Variants in ADAM12 observed in about 807,000 individuals in gnomAD.
ADAM12 encodes the protein disintegrin and metalloproteinase domain-containing protein 12.
A neutral mutation model predicts 106.4 loss-of-function variants in ADAM12; 70 were observed. The ratio of observed to expected loss-of-function variants is 0.66; its 90% CI spans 0.54 to 0.80. ADAM12 has a LOEUF of 0.80. Ranked by LOEUF, ADAM12 falls within the 30% of genes least tolerant of loss-of-function variation. The pLI is 0.00. For synonymous variants in ADAM12, 420 were observed against 433.5 expected, an observed-to-expected ratio of 0.97 and a Z score of 0.39; for missense variants, 1,010 against 1,171.9, an observed-to-expected ratio of 0.86 and a Z score of 2.02.
rs978009181 is a variant in ADAM12 at position 126,013,831 on chromosome 10, G to A, written c.*3448C>T. 6.6e-6 allele frequency: 1 copy of A among 152,466 alleles called. No homozygotes were observed. The highest frequency in any genetic ancestry group is 2.4e-5 in the African/African-American group (1 of 41,438). 9.4% of individuals were successfully genotyped at this position (152,466 alleles called of 1,614,324 possible). A position where few individuals can be genotyped will look rare whatever the true frequency, so the allele number is the denominator to read the frequency against. On this transcript the variant is annotated 3_prime_UTR_variant, in exon 23 of 23. Coordinates refer to ENST00000448723, the MANE Select transcript of ADAM12 (RefSeq NM_001288973.2). This position sits in a 1 kb window ranked among gnomAD's most constrained non-coding sequence, Gnocchi z 4.3. The stretch of plus-strand genomic sequence containing the variant: ...TCTAGCATGGAGAGGAGAGGAAAAG[G>A]GGTCCTGCAATGTCCCCCAGCAGCC...
At chr10:126,361,063 A>C (rs1038594064) in intron 1 of ADAM12, among the ~76,000 whole-genome samples, 3 of 152,162 alleles carry the variant, frequency 2.0e-5, no homozygotes, top group Admixed American at 6.5e-5. Flanking sequence ...CTATCACCAG[A>C]ACAGCATGAG....
chr10:126,158,607 G>A (rs542359362), intron 3 of ADAM12, among the ~76,000 whole-genome samples: 8 of 97,910 alleles, frequency 8.2e-5, no homozygotes, highest in South Asian at 7.6e-4. Context: ...GAGCAGAGGC[G>A]GGGAGGATGC....
At position 126,015,033 on chromosome 10, in the gene ADAM12, A is replaced by C. The variant is rs1400449663; in HGVS notation, c.*2246T>G. 1 of 152,220 alleles carries C rather than the reference A, an allele frequency of 6.6e-6. No homozygotes were observed. The highest frequency in any genetic ancestry group is 6.5e-5 in the Admixed American group (1 of 15,292). 9.4% of individuals were successfully genotyped at this position (152,220 alleles called of 1,614,324 possible). The stretch of plus-strand genomic sequence containing the variant: ...CATCTTGGAAGGATTAATACTGTCC[A>C]TATTGTAAGGGAATATTAGTTTAAA... On this transcript the variant is annotated 3_prime_UTR_variant, in exon 23 of 23. Coordinates refer to ENST00000448723, the MANE Select transcript of ADAM12 (RefSeq NM_001288973.2).
At chr10:126,272,155 T>C (rs1313315182) in intron 3 of ADAM12, among the ~76,000 whole-genome samples, 2 of 152,230 alleles carry the variant, frequency 1.3e-5, no homozygotes, top group East Asian at 1.9e-4. Context: ...CTGCTTAGTG[T>C]TGGGCTCCTT....
chr10:126,099,991 G>A (rs1197024315), intron 9 of ADAM12, among the ~76,000 whole-genome samples: 2 of 142,934 alleles, frequency 1.4e-5, no homozygotes, highest in African/African-American at 5.8e-5. Context: ...TTTTTTTTAA[G>A]TATAAAAGCA....
intron 11 of ADAM12, among the ~76,000 whole-genome samples, chr10:126,086,680 A>AAATATATATATATATAT (rs1554966976): frequency 4.1e-5 from 1 of 24,270 alleles, no homozygotes; most frequent in Non-Finnish European, 5.9e-5. Context: ...AAAAAAAAAA[A>AAATATATATATATATAT]ATATATATAT....
chr10:126,106,089 C>T (rs1304052850), intron 8 of ADAM12, among the ~76,000 whole-genome samples: 1 of 152,162 alleles, frequency 6.6e-6, no homozygotes, highest in Non-Finnish European at 1.5e-5. Context: ...GCATCGTCTA[C>T]CTGCCCCTCC....
At chr10:126,312,404 C>T (rs765041892) in intron 2 of ADAM12, among the ~76,000 whole-genome samples, 19 of 152,152 alleles carry the variant, frequency 1.2e-4, no homozygotes, top group Admixed American at 8.5e-4. Flanking sequence ...AGAACCTGGC[C>T]GTGCCTCTGG....
chr10:126,274,550 C>T (rs754989379), intron 3 of ADAM12, among the ~76,000 whole-genome samples: 1 of 152,184 alleles, frequency 6.6e-6, no homozygotes, highest in Non-Finnish European at 1.5e-5. Context: ...CCCATTGATC[C>T]GAACTGCTGA....
chr10:126,198,110 T>C (rs1373668735), intron 3 of ADAM12, among the ~76,000 whole-genome samples: 1 of 152,238 alleles, frequency 6.6e-6, no homozygotes, highest in Non-Finnish European at 1.5e-5. Flanking sequence ...TCAGTCAAGA[T>C]GGACAGCCAC....
intron 21 of ADAM12, among the ~76,000 whole-genome samples, chr10:126,028,808 T>G (rs766984060): frequency 6.6e-6 from 1 of 151,724 alleles, no homozygotes. Flanking sequence ...AAAGAGTGTC[T>G]GCAGCAAAAG....
At chr10:126,298,595 C>T (rs1292812260) in intron 2 of ADAM12, among the ~76,000 whole-genome samples, 5 of 151,792 alleles carry the variant, frequency 3.3e-5, no homozygotes, top group African/African-American at 1.2e-4. Flanking sequence ...AAGAGAAAAC[C>T]TCAGAAGCAA....
At chr10:126,202,521 CTT>C (rs1229888406) in intron 3 of ADAM12, among the ~76,000 whole-genome samples, 1 of 151,968 alleles carries the variant, frequency 6.6e-6, no homozygotes, top group African/African-American at 2.4e-5. Flanking sequence ...CTCTCTCTCT[CTT>C]TAACCAGAAG....
intron 4 of ADAM12, among the ~76,000 whole-genome samples, chr10:126,141,946 T>G (rs1267322604): frequency 6.6e-6 from 1 of 152,156 alleles, no homozygotes; most frequent in Non-Finnish European, 1.5e-5. Context: ...AAGGCCAACC[T>G]TTTTCTTTTA....
chr10:126,180,870 C>T (rs753976660), intron 3 of ADAM12, among the ~76,000 whole-genome samples: 19 of 152,198 alleles, frequency 1.2e-4, no homozygotes, highest in Non-Finnish European at 4.4e-5. Flanking sequence ...TATACTAATA[C>T]ACTTTCATTA....
At chr10:126,375,051 G>C (rs1028476236) in intron 1 of ADAM12, among the ~76,000 whole-genome samples, 6 of 151,980 alleles carry the variant, frequency 3.9e-5, no homozygotes, top group African/African-American at 1.4e-4. Context: ...GATACAACAG[G>C]TAATATCTGC....
At chr10:126,270,450 C>T (rs931671878) in intron 3 of ADAM12, among the ~76,000 whole-genome samples, 2 of 152,170 alleles carry the variant, frequency 1.3e-5, no homozygotes, top group Non-Finnish European at 2.9e-5. Context: ...TGGAAATGTC[C>T]GTCTAGCCAC....
intron 8 of ADAM12, among the ~76,000 whole-genome samples, chr10:126,108,237 G>A (rs552821410): frequency 8.5e-5 from 13 of 152,262 alleles, no homozygotes; most frequent in South Asian, 4.1e-4. Context: ...ATCCGTCATC[G>A]GGAGACCTGG....
chr10:126,253,879 G>A (rs1173464641), intron 3 of ADAM12, among the ~76,000 whole-genome samples: 7 of 152,164 alleles, frequency 4.6e-5, no homozygotes, highest in Admixed American at 6.5e-5. Context: ...AGCCCTCCCC[G>A]TTTCTCTTCA....
Sources: allele counts gnomAD v4.1 joint callset (sites outside exome capture counted in the v4.1 genomes callset), GRCh38; gene constraint gnomAD v4.1.1; non-coding constraint Gnocchi (gnomAD v3.1); transcripts MANE v1.5; gene names NCBI Gene and HGNC (gene_info 2026-07-23, HGNC 2026-07-21).